Variants in ANKFN1 observed in about 807,000 individuals in gnomAD.
ANKFN1 encodes the protein ankyrin repeat and fibronectin type III domain containing 1.
A neutral mutation model predicts 108.7 loss-of-function variants in ANKFN1; 74 were observed. The ratio of observed to expected loss-of-function variants is 0.68; its 90% CI spans 0.56 to 0.83. The LOEUF (loss-of-function observed/expected upper bound fraction) is 0.83, where lower values mean the gene tolerates loss of function less well. Among genes scored for constraint, ANKFN1 ranks in the 40% least tolerant of loss-of-function variants. The pLI is 0.00. For synonymous variants in ANKFN1, 547 were observed against 516.2 expected, an observed-to-expected ratio of 1.06 and a Z score of -0.81; for missense variants, 1,505 against 1,382.3, an observed-to-expected ratio of 1.09 and a Z score of -1.41.
chr17:56,250,559 A>G (rs1049532032), intron 3 of ANKFN1, among the ~76,000 whole-genome samples: 2 of 152,206 alleles, frequency 1.3e-5, no homozygotes, highest in African/African-American at 4.8e-5. Context: ...CACACAGAGT[A>G]TTTTTTCTTA....
intron 8 of ANKFN1, among the ~76,000 whole-genome samples, chr17:56,416,444 T>C (rs2048242662): frequency 6.6e-6 from 1 of 152,116 alleles, no homozygotes; most frequent in South Asian, 2.1e-4. Flanking sequence ...AAAACAGGCA[T>C]ATTAAAAGGC....
chr17:56,208,436 CAAAA>C (rs1180166898), intron 1 of ANKFN1, among the ~76,000 whole-genome samples: 15 of 152,182 alleles, frequency 9.9e-5, no homozygotes, highest in African/African-American at 3.6e-4. Flanking sequence ...CCCTGCCCCT[CAAAA>C]TCCTGATTAT....
intron 1 of ANKFN1, among the ~76,000 whole-genome samples, chr17:56,165,529 G>C (rs1278230262): frequency 6.6e-6 from 1 of 152,170 alleles, no homozygotes; most frequent in South Asian, 2.1e-4. Flanking sequence ...CAGAGTTCTA[G>C]TGGAATTTAT....
At chr17:56,075,871 C>T (rs1462846253) in intron 4 of ANKFN1, among the ~76,000 whole-genome samples, 2 of 152,110 alleles carry the variant, frequency 1.3e-5, no homozygotes, top group Non-Finnish European at 2.9e-5. Flanking sequence ...TGACGGCAGA[C>T]ATAGGCGAGT....
At chr17:56,272,910 C>T (rs2043828070) in intron 3 of ANKFN1, among the ~76,000 whole-genome samples, 1 of 152,128 alleles carries the variant, frequency 6.6e-6, no homozygotes, top group Non-Finnish European at 1.5e-5. Flanking sequence ...GAAAATGTTT[C>T]TTCCATTTGT....
At chr17:56,104,090 T>A (rs1429843695) in intron 4 of ANKFN1, among the ~76,000 whole-genome samples, 2 of 152,180 alleles carry the variant, frequency 1.3e-5, no homozygotes, top group East Asian at 3.9e-4. Flanking sequence ...GATGTCTCTG[T>A]CTTCTTCTTG....
chr17:56,102,336 A>G (rs938079735), intron 4 of ANKFN1, among the ~76,000 whole-genome samples: 1 of 152,148 alleles, frequency 6.6e-6, no homozygotes, highest in Non-Finnish European at 1.5e-5. Flanking sequence ...ACTAGACTAT[A>G]CTAGTCTATA....
chr17:56,224,075 G>A (rs1331768821), intron 2 of ANKFN1, among the ~76,000 whole-genome samples: 2 of 152,202 alleles, frequency 1.3e-5, no homozygotes, highest in Admixed American at 1.3e-4. Context: ...CCCAGAGTGG[G>A]GGTCATGGGC....
At chr17:56,463,556 A>G (rs1363425514) in intron 14 of ANKFN1, among the ~76,000 whole-genome samples, 2 of 152,226 alleles carry the variant, frequency 1.3e-5, no homozygotes, top group Non-Finnish European at 2.9e-5. Context: ...CCAAAAGCCC[A>G]CATTGTTTTT....
intron 1 of ANKFN1, among the ~76,000 whole-genome samples, chr17:56,169,036 A>AG (rs1567814987): frequency 6.6e-6 from 1 of 152,174 alleles, no homozygotes; most frequent in African/African-American, 2.4e-5. Flanking sequence ...TCCAGAAGGC[A>AG]GGGGGAGTTT....
chr17:56,138,512 C>CT (rs59070658), intron 4 of ANKFN1, among the ~76,000 whole-genome samples: 1,791 of 135,734 alleles, frequency 0.013, 20 homozygotes, highest in African/African-American at 0.04. Context: ...TTTTTCTTTT[C>CT]TTTTTTTTTT....
intron 20 of ANKFN1, among the ~76,000 whole-genome samples, chr17:56,509,366 C>G (rs2051670966): frequency 1.3e-5 from 2 of 152,196 alleles, no homozygotes; most frequent in African/African-American, 4.8e-5. Context: ...CATGTGGCTT[C>G]TATCTCCAAG....
chr17:56,127,316 A>G (rs1906996075), intron 4 of ANKFN1, among the ~76,000 whole-genome samples: 1 of 151,640 alleles, frequency 6.6e-6, no homozygotes, highest in Admixed American at 6.6e-5. Context: ...CCTTTTTTAA[A>G]ATTTTATTTT....
chr17:56,213,297 C>T (rs1567841258), intron 2 of ANKFN1, among the ~76,000 whole-genome samples: 1 of 152,190 alleles, frequency 6.6e-6, no homozygotes, highest in Non-Finnish European at 1.5e-5. Flanking sequence ...CCCTGACTTG[C>T]AGCATTAACA....
At chr17:56,274,168 C>T (rs2043858200) in intron 3 of ANKFN1, among the ~76,000 whole-genome samples, 3 of 152,292 alleles carry the variant, frequency 2.0e-5, no homozygotes, top group Middle Eastern at 3.4e-3. Flanking sequence ...ATCTGGGACT[C>T]TTTGACAAGG....
At chr17:56,298,015 G>A (rs1023206424) in intron 3 of ANKFN1, among the ~76,000 whole-genome samples, 1 of 152,174 alleles carries the variant, frequency 6.6e-6, no homozygotes, top group Non-Finnish European at 1.5e-5. Context: ...GGATCTCAGA[G>A]TGCGGTCCAT....
chr17:56,303,392 C>T (rs1414618346), intron 3 of ANKFN1, among the ~76,000 whole-genome samples: 1 of 152,138 alleles, frequency 6.6e-6, no homozygotes, highest in African/African-American at 2.4e-5. Flanking sequence ...ACCTCTAGGC[C>T]ACTGGAGTAA....
upstream of ANKFN1, among the ~76,000 whole-genome samples, chr17:56,149,968 A>G (rs1057068973): frequency 3.3e-5 from 4 of 121,952 alleles, no homozygotes; most frequent in African/African-American, 1.2e-4. Flanking sequence ...ATCTTATTAT[A>G]TTATTTTGTT....
At chr17:56,187,573 A>G (rs1912340560) in intron 1 of ANKFN1, among the ~76,000 whole-genome samples, 1 of 152,222 alleles carries the variant, frequency 6.6e-6, no homozygotes, top group Non-Finnish European at 1.5e-5. Flanking sequence ...TGACCCAGTC[A>G]TCTCATTACT....
Sources: gnomAD v4.1 joint callset for allele counts (sites outside exome capture counted in the v4.1 genomes callset) on GRCh38, gnomAD v4.1.1 for gene constraint, MANE v1.5 for transcripts, NCBI Gene and HGNC (gene_info 2026-07-23, HGNC 2026-07-21) for gene names.